Variants in NPAS3 observed in about 807,000 individuals in gnomAD.
NPAS3 encodes neuronal PAS domain-containing protein 3.
Under a neutral mutation model 73.1 loss-of-function variants are expected in NPAS3, and 14 were observed. That is an observed-to-expected ratio of 0.19 (90% CI 0.13 to 0.30). The LOEUF (loss-of-function observed/expected upper bound fraction) is 0.30. NPAS3 is among the 10% of genes least tolerant of loss of function. The pLI, the probability that NPAS3 is intolerant of heterozygous loss-of-function variation, is 1.00. For missense variants in NPAS3, 1,096 were observed against 1,250.0 expected (o/e 0.88, Z 1.86); for synonymous variants, 620 against 541.5 (o/e 1.14, Z -2.01).
chr14:33,513,979 T>C (rs561273518), intron 4 of NPAS3, among the ~76,000 whole-genome samples: 1 of 152,154 alleles, frequency 6.6e-6, no homozygotes, highest in South Asian at 2.1e-4. Flanking sequence ...GCAAGAGTAA[T>C]TGTTTAATAA....
At chr14:32,994,052 C>T (rs934076564) in intron 1 of NPAS3, among the ~76,000 whole-genome samples, 11 of 152,078 alleles carry the variant, frequency 7.2e-5, no homozygotes, top group Non-Finnish European at 1.5e-5. Context: ...AATAAATATG[C>T]AGAGATATCA....
At chr14:33,401,836 T>C (rs1194911014) in intron 4 of NPAS3, among the ~76,000 whole-genome samples, 1 of 152,192 alleles carries the variant, frequency 6.6e-6, no homozygotes, top group Admixed American at 6.5e-5. Context: ...CCTCCATTGC[T>C]GGAGGCTCCA....
At chr14:33,771,397 T>G (rs1245800001) in intron 7 of NPAS3, among the ~76,000 whole-genome samples, 1 of 152,238 alleles carries the variant, frequency 6.6e-6, no homozygotes, top group Non-Finnish European at 1.5e-5. Context: ...AGTTACTGCT[T>G]TGGTAATTTT....
chr14:33,447,395 C>T (rs2049565930), intron 4 of NPAS3, among the ~76,000 whole-genome samples: 1 of 152,064 alleles, frequency 6.6e-6, no homozygotes, highest in African/African-American at 2.4e-5. Flanking sequence ...TGGGCGCACG[C>T]ACGCATTTGT....
At chr14:33,399,338 G>T (rs1420229049) in intron 4 of NPAS3, among the ~76,000 whole-genome samples, 1 of 151,904 alleles carries the variant, frequency 6.6e-6, no homozygotes, top group African/African-American at 2.4e-5. Context: ...TTTTCTTAAG[G>T]AACATGGAGT....
intron 2 of NPAS3, among the ~76,000 whole-genome samples, chr14:33,197,954 C>G (rs116787724): frequency 1.3e-5 from 2 of 152,154 alleles, no homozygotes; most frequent in Non-Finnish European, 2.9e-5. Context: ...CGGACGTGTT[C>G]GGAGTTTCTT....
At chr14:33,686,184 G>A (rs1336327185) in intron 6 of NPAS3, among the ~76,000 whole-genome samples, 1 of 152,120 alleles carries the variant, frequency 6.6e-6, no homozygotes, top group Non-Finnish European at 1.5e-5. Context: ...AGGTAGAGGT[G>A]ATCTCCCAGG....
intron 3 of NPAS3, among the ~76,000 whole-genome samples, chr14:33,239,218 A>G (rs967965587): frequency 6.6e-6 from 1 of 151,782 alleles, no homozygotes; most frequent in Non-Finnish European, 1.5e-5. Context: ...GTTAAGTGAT[A>G]AAGGGGAGTT....
intron 4 of NPAS3, among the ~76,000 whole-genome samples, chr14:33,424,097 G>A (rs1311743965): frequency 6.6e-6 from 1 of 151,864 alleles, no homozygotes; most frequent in Non-Finnish European, 1.5e-5. Flanking sequence ...CTCAAGGAGA[G>A]GCAAATGGTG....
intron 4 of NPAS3, among the ~76,000 whole-genome samples, chr14:33,450,366 G>A (rs574576113): frequency 3.3e-5 from 5 of 152,260 alleles, no homozygotes; most frequent in African/African-American, 9.6e-5. Flanking sequence ...TTGCAGAAGC[G>A]TAGACTACAG....
At chr14:33,147,754 T>TATAC (rs368950295) in intron 2 of NPAS3, among the ~76,000 whole-genome samples, 7,389 of 142,214 alleles carry the variant, frequency 0.052, 229 homozygotes, top group South Asian at 0.096. Context: ...TATATATATA[T>TATAC]ACACACAAAA....
chr14:33,544,226 T>C (rs2054674833), intron 4 of NPAS3, among the ~76,000 whole-genome samples: 1 of 152,000 alleles, frequency 6.6e-6, no homozygotes, highest in Admixed American at 6.6e-5. Context: ...TGCTGCAGCC[T>C]TGAACTCCTG....
chr14:33,201,139 T>C (rs1041051854), intron 2 of NPAS3, among the ~76,000 whole-genome samples: 1 of 152,186 alleles, frequency 6.6e-6, no homozygotes, highest in African/African-American at 2.4e-5. Context: ...AGAAGGCATT[T>C]GAAGGACCAT....
At chr14:33,615,492 A>G (rs2057886524) in intron 5 of NPAS3, among the ~76,000 whole-genome samples, 1 of 152,066 alleles carries the variant, frequency 6.6e-6, no homozygotes. Flanking sequence ...AGAAAAGAGA[A>G]AGAGAAAAAG....
chr14:33,757,677 T>C (rs1288469994), intron 7 of NPAS3, among the ~76,000 whole-genome samples: 1 of 152,212 alleles, frequency 6.6e-6, no homozygotes, highest in African/African-American at 2.4e-5. Context: ...TAGGTCTTAA[T>C]GACTGACTGG....
At position 33,277,968 on chromosome 14, in the gene NPAS3, G is replaced by A. The variant is rs191875423; in HGVS notation, c.385+62542G>A. Among the ~76,000 whole-genome samples the A allele has an allele frequency of 3.4e-4, 51 of 152,156 alleles. No homozygotes were observed. The East Asian group carries it at 5.8e-3, about 17-fold the overall frequency. ...GTTCAGAGGACCGTTGCAGAGGTTC[G>A]GGTTGCAGAGGTTCGGGTGAGAGAG... is the stretch of plus-strand genomic sequence containing the variant. On this transcript the variant is annotated intron_variant, in intron 3 of 11. Coordinates refer to ENST00000356141, the Ensembl canonical transcript of NPAS3.
intron 4 of NPAS3, among the ~76,000 whole-genome samples, chr14:33,547,321 GC>G (rs1484342936): frequency 6.6e-6 from 1 of 152,086 alleles, no homozygotes; most frequent in Non-Finnish European, 1.5e-5. Flanking sequence ...AAGGGTCAAG[GC>G]TAGAATGAGC....
At chr14:33,300,905 C>T (rs1386337364) in intron 3 of NPAS3, among the ~76,000 whole-genome samples, 1 of 152,148 alleles carries the variant, frequency 6.6e-6, no homozygotes, top group African/African-American at 2.4e-5. Flanking sequence ...CCCTCAGAGG[C>T]AGGCCCAAGC....
chr14:33,179,265 G>A (rs957925430), intron 2 of NPAS3, among the ~76,000 whole-genome samples: 64 of 152,064 alleles, frequency 4.2e-4, no homozygotes, highest in Non-Finnish European at 4.4e-5. Context: ...TGCCTCCTTT[G>A]GCAAGGCTTT....
Sources: allele counts gnomAD v4.1 joint callset (sites outside exome capture counted in the v4.1 genomes callset), GRCh38; gene constraint gnomAD v4.1.1; transcripts MANE v1.5; gene names NCBI Gene and HGNC (gene_info 2026-07-23, HGNC 2026-07-21).